Variants in FAM184A observed in about 807,000 individuals in gnomAD.
The protein encoded by FAM184A is family with sequence similarity 184 member A, also known as protein FAM184A.
In FAM184A, 99 loss-of-function variants were observed where a neutral mutation model predicts 143.8. The observed-to-expected ratio is 0.69, with a 90% CI of 0.58 to 0.81. The LOEUF is 0.81. Ranked by LOEUF, FAM184A falls within the 40% of genes least tolerant of loss-of-function variation. FAM184A has a pLI of 0.00. For synonymous variants in FAM184A, 427 were observed against 446.4 expected (o/e 0.96, Z 0.55); for missense variants, 1,217 against 1,310.5 (o/e 0.93, Z 1.10).
chr6:118,984,572 G>A (rs867491019), intron 9 of FAM184A, among the ~76,000 whole-genome samples: 4 of 152,196 alleles, frequency 2.6e-5, no homozygotes, highest in Middle Eastern at 3.2e-3. Flanking sequence ...CATCAAATCT[G>A]AGGTACTGGG....
rs1157316433 is a variant in FAM184A at position 118,969,993 on chromosome 6, A to AAT, written c.2916-3043_2916-3042dup. 3.5e-3 allele frequency among the ~76,000 whole-genome samples: 86 copies of AAT among 24,392 alleles called. 9 individuals carry two copies. The highest frequency in any genetic ancestry group is 0.011 in the African/African-American group (76 of 6,970). 16.0% of individuals were successfully genotyped at this position (24,392 alleles called of 152,430 possible). A position where few individuals can be genotyped will look rare whatever the true frequency, so the allele number is the denominator to read the frequency against. On this transcript the variant is annotated intron_variant, in intron 14 of 17. Coordinates refer to ENST00000338891, the MANE Select transcript of FAM184A (RefSeq NM_024581.6). Reference sequence around the variant, plus strand: ...AAATTGTTTGGGTGTATATATATATAATATATATATATATATTTTTTTTTT... The same window carrying AAT: ...AAATTGTTTGGGTGTATATATATATAATATATATATATATATATTTTTTTTTT...
At chr6:118,985,289 G>A (rs1784156063) in intron 9 of FAM184A, among the ~76,000 whole-genome samples, 1 of 152,164 alleles carries the variant, frequency 6.6e-6, no homozygotes. Context: ...GCAGCTGATG[G>A]GGACAGACAT....
intron 1 of FAM184A, among the ~76,000 whole-genome samples, chr6:119,055,750 C>T (rs1228505735): frequency 1.3e-5 from 2 of 152,082 alleles, no homozygotes; most frequent in African/African-American, 2.4e-5. Flanking sequence ...CTTTTTTAGC[C>T]CTCTGATACT....
chr6:119,111,536 A>T (rs913237081), intron 1 of FAM184A, among the ~76,000 whole-genome samples: 8 of 152,206 alleles, frequency 5.3e-5, no homozygotes, highest in Admixed American at 6.5e-5. Flanking sequence ...TAAAATGTTG[A>T]ATTTCCAGGG....
intron 1 of FAM184A, among the ~76,000 whole-genome samples, chr6:119,140,590 G>T (rs1194820100): frequency 2.6e-5 from 4 of 152,118 alleles, no homozygotes; most frequent in African/African-American, 4.8e-5. Context: ...CATCTCATCC[G>T]CACCTTTCAA....
intron 1 of FAM184A, among the ~76,000 whole-genome samples, chr6:119,051,404 A>G (rs1453533795): frequency 2.6e-5 from 4 of 152,190 alleles, no homozygotes; most frequent in Non-Finnish European, 5.9e-5. Flanking sequence ...GTGGGGTGTT[A>G]GGAAGAAGGA....
At chr6:119,099,560 C>A (rs192667407) in intron 1 of FAM184A, among the ~76,000 whole-genome samples, 19 of 152,286 alleles carry the variant, frequency 1.2e-4, no homozygotes, top group African/African-American at 4.6e-4. Flanking sequence ...ATTGCACCGA[C>A]AGGCCAAGAA....
chr6:119,120,449 T>A (rs11753851), intron 1 of FAM184A, among the ~76,000 whole-genome samples: 3 of 152,158 alleles, frequency 2.0e-5, no homozygotes, highest in Non-Finnish European at 4.4e-5. Flanking sequence ...TTTGGGGCTA[T>A]TATGCTGCCA....
intron 1 of FAM184A, among the ~76,000 whole-genome samples, chr6:119,061,322 T>C (rs970699133): frequency 9.2e-5 from 14 of 151,960 alleles, no homozygotes; most frequent in African/African-American, 3.1e-4. Context: ...GGAAAAGCAA[T>C]ATCCTGAGGA....
At chr6:118,981,683 G>A (rs767737596) in intron 9 of FAM184A, among the ~76,000 whole-genome samples, 87 of 152,286 alleles carry the variant, frequency 5.7e-4, no homozygotes, top group Middle Eastern at 6.8e-3. Flanking sequence ...AGCAGGAACA[G>A]TCACAGACTG....
At chr6:118,983,898 C>T (rs1409526881) in intron 9 of FAM184A, among the ~76,000 whole-genome samples, 2 of 151,584 alleles carry the variant, frequency 1.3e-5, no homozygotes, top group African/African-American at 2.4e-5. Context: ...CCTGTAATCC[C>T]TGCATTTTAG....
At chr6:119,070,833 G>A (rs1374559010) in intron 1 of FAM184A, among the ~76,000 whole-genome samples, 1 of 151,626 alleles carries the variant, frequency 6.6e-6, no homozygotes, top group Non-Finnish European at 1.5e-5. Context: ...ATGGCGTTAC[G>A]AACTCCCGTC....
intron 1 of FAM184A, among the ~76,000 whole-genome samples, chr6:119,098,539 C>T (rs1788565186): frequency 1.3e-5 from 2 of 152,120 alleles, no homozygotes; most frequent in Non-Finnish European, 2.9e-5. Context: ...GTTGGTTTGG[C>T]TTAAAATGGT....
chr6:118,996,390 G>A (rs2114624304), intron 9 of FAM184A, among the ~76,000 whole-genome samples: 1 of 152,312 alleles, frequency 6.6e-6, no homozygotes, highest in East Asian at 1.9e-4. Flanking sequence ...GATGGACTTG[G>A]ATTGGTTTTG....
chr6:119,084,881 C>T (rs1468904101), intron 1 of FAM184A, among the ~76,000 whole-genome samples: 1 of 152,232 alleles, frequency 6.6e-6, no homozygotes, highest in Non-Finnish European at 1.5e-5. Context: ...GAAGCAACAG[C>T]CCAAGCTGTG....
At position 119,061,781 on chromosome 6, in the gene FAM184A, T is replaced by A. The variant is rs371361964; in HGVS notation, c.159+16360A>T. Reference sequence around the variant, plus strand: ...CGTGATGAGAGAGGATGGGAAGGGCTTGAGGAAGGGAGGGATAGGGAAAGA... The same window carrying A: ...CGTGATGAGAGAGGATGGGAAGGGCATGAGGAAGGGAGGGATAGGGAAAGA... On this transcript the variant is annotated intron_variant, in intron 1 of 17. Transcript: ENST00000338891. Among the ~76,000 whole-genome samples the A allele has an allele frequency of 2.8e-4, 43 of 152,046 alleles. 1 individual carries two copies. The highest frequency in any genetic ancestry group is 1.0e-3 in the African/African-American group (42 of 41,460).
At chr6:119,067,835 A>G (rs1263762466) in intron 1 of FAM184A, among the ~76,000 whole-genome samples, 2 of 152,158 alleles carry the variant, frequency 1.3e-5, no homozygotes, top group Admixed American at 1.3e-4. Context: ...AGCTGGGCAC[A>G]GTGGCTTGCA....
At chr6:119,142,525 T>C (rs1278866017) in intron 1 of FAM184A, among the ~76,000 whole-genome samples, 4 of 152,192 alleles carry the variant, frequency 2.6e-5, no homozygotes, top group Admixed American at 2.6e-4. Context: ...CAGTTGGAAC[T>C]AGAGTGGAAC....
chr6:119,023,585 C>T (rs567461573), intron 2 of FAM184A, among the ~76,000 whole-genome samples: 9 of 120,198 alleles, frequency 7.5e-5, no homozygotes, highest in Non-Finnish European at 1.2e-4. Context: ...CGTATTACCT[C>T]GCTAAGCTCA....
Sources: gnomAD v4.1 joint callset for allele counts (sites outside exome capture counted in the v4.1 genomes callset) on GRCh38, gnomAD v4.1.1 for gene constraint, MANE v1.5 for transcripts, NCBI Gene and HGNC (gene_info 2026-07-23, HGNC 2026-07-21) for gene names.